The following SLC4A8 variants were observed in gnomAD, a reference collection of about 807,000 sequenced individuals.
The protein encoded by SLC4A8 is electroneutral sodium bicarbonate exchanger 1.
A neutral mutation model predicts 125.0 loss-of-function variants in SLC4A8; 40 were observed. The observed-to-expected ratio is 0.32, with a 90% confidence interval of 0.25 to 0.42. The LOEUF is 0.42. SLC4A8 is among the 10% of genes least tolerant of loss of function. The pLI, the probability that SLC4A8 is intolerant of heterozygous loss-of-function variation, is 1.00. For synonymous variants in SLC4A8, 456 were observed against 476.0 expected (o/e 0.96, Z 0.55); for missense variants, 863 against 1,355.1 (o/e 0.64, Z 5.70).
At position 51,450,989 on chromosome 12, in the gene SLC4A8, C is replaced by A; in HGVS notation, c.244C>A (p.Gln82Lys). Residue 82 changes from glutamine (Q) to lysine (K), a missense_variant, in exon 3 of 25, where the codon CAG becomes AAG. Transcript: ENST00000453097. ...RRRGRGKGASQGEEGLEALAH... is the reference protein window; with the variant it reads ...RRRGRGKGASKGEEGLEALAH... Reference sequence around the variant, plus strand: ...ACGAGGGCGGGGCAAAGGAGCCAGCCAGGGGGAGGAAGGCCTGGAAGCCCT... The same window carrying A: ...ACGAGGGCGGGGCAAAGGAGCCAGCAAGGGGGAGGAAGGCCTGGAAGCCCT... The A allele has an allele frequency of 6.4e-7, 1 of 1,562,790 alleles. No homozygotes were observed. Among genetic ancestry groups the A allele is most frequent in the Non-Finnish European group, 8.7e-7 (1 of 1,152,092 alleles).
At position 51,511,000 on chromosome 12, in the gene SLC4A8, C is replaced by CTT. The variant is rs1378594705; in HGVS notation, c.*3563_*3564dup. 1 of 152,182 alleles carries CTT rather than the reference C, an allele frequency of 6.6e-6. No homozygotes were observed. Among genetic ancestry groups the CTT allele is most frequent in the African/African-American group, 2.4e-5 (1 of 41,460 alleles). 9.4% of individuals were successfully genotyped at this position (152,182 alleles called of 1,614,324 possible). ...ACCTGTTGCAGATGATGGTGATTCT[C>CTT]TTCTTTTTTTTGTCTCCAATAGTTG... On this transcript the variant is annotated 3_prime_UTR_variant, in exon 25 of 25. Transcript: ENST00000453097.
chr12:51,433,875 TTTTG>T (rs1565772396), intron 1 of SLC4A8, among the ~76,000 whole-genome samples: 8 of 32,792 alleles, frequency 2.4e-4, no homozygotes, highest in South Asian at 9.7e-4. Context: ...TTTTTTTTTT[TTTTG>T]GTTGGTTTTT....
At chr12:51,494,571 T>A (rs79116277) in intron 20 of SLC4A8, 1 of 158,934 alleles carries the variant, frequency 6.3e-6, no homozygotes, top group African/African-American at 2.4e-5. Flanking sequence ...CTTTTCACTA[T>A]AAATAATCAA....
At chr12:51,483,472 CT>C (rs1181427808) in intron 16 of SLC4A8, among the ~76,000 whole-genome samples, 96 of 142,048 alleles carry the variant, frequency 6.8e-4, no homozygotes, top group East Asian at 3.0e-3. Flanking sequence ...TTTCTTTTCT[CT>C]TTTTTTTTTT....
At chr12:51,460,716 A>G (rs566070814) in intron 8 of SLC4A8, among the ~76,000 whole-genome samples, 1 of 152,362 alleles carries the variant, frequency 6.6e-6, no homozygotes, top group South Asian at 2.1e-4. Context: ...AAGGCTATTC[A>G]TGCGCTCTGA....
chr12:51,494,898 G>T, intron 20 of SLC4A8, 47 bp from the exon 21 acceptor site: 1 of 1,559,640 alleles, frequency 6.4e-7, no homozygotes, highest in South Asian at 1.1e-5. Context: ...CAAAGCTTCT[G>T]ACCCAGAATG....
intron 16 of SLC4A8, among the ~76,000 whole-genome samples, chr12:51,484,028 G>A (rs1951100203): frequency 2.0e-5 from 3 of 152,168 alleles, no homozygotes; most frequent in African/African-American, 4.8e-5. Context: ...TCAGAATGAT[G>A]GTTTCCAGCT....
intron 1 of SLC4A8, among the ~76,000 whole-genome samples, chr12:51,400,785 TACACAC>T (rs869278660): frequency 2.7e-4 from 3 of 11,154 alleles, no homozygotes; most frequent in African/African-American, 5.1e-4. Context: ...TATACATACA[TACACAC>T]ACACACACAC....
Position 51,514,882 on chromosome 12 carries a change from A to G in SLC4A8, c.*7444A>G, listed in dbSNP as rs1565834714. 1 of 152,206 alleles carries G rather than the reference A, an allele frequency of 6.6e-6. No individual in the cohort carries two copies. The highest frequency in any genetic ancestry group is 1.5e-5 in the Non-Finnish European group (1 of 68,034). 9.4% of individuals were successfully genotyped at this position (152,206 alleles called of 1,614,324 possible). A position where few individuals can be genotyped will look rare whatever the true frequency, so the allele number is the denominator to read the frequency against. On this transcript the variant is annotated 3_prime_UTR_variant, in exon 25 of 25. Transcript: ENST00000453097. ...TGTTATGTGAACCTTTTCAGTAGGGAAATTCAGAAAATGGAATGATTCATC... is the reference window on the plus strand; with the variant it reads ...TGTTATGTGAACCTTTTCAGTAGGGGAATTCAGAAAATGGAATGATTCATC...
chr12:51,412,928 T>A (rs887194151), intron 1 of SLC4A8, among the ~76,000 whole-genome samples: 1 of 152,232 alleles, frequency 6.6e-6, no homozygotes, highest in Non-Finnish European at 1.5e-5. Flanking sequence ...TTTGGATAAA[T>A]ACCCAGTGAT....
At chr12:51,452,032 A>T in intron 3 of SLC4A8, 92 bp from the exon 4 acceptor site, 1 of 1,202,436 alleles carries the variant, frequency 8.3e-7, no homozygotes, top group Non-Finnish European at 1.2e-6. Context: ...GGTTGTCTAT[A>T]TATATTTCTA....
chr12:51,471,247 A>G (rs1233110547), intron 13 of SLC4A8, 40 bp from the exon 14 acceptor site: 2 of 1,587,494 alleles, frequency 1.3e-6, no homozygotes, highest in African/African-American at 2.7e-5. Flanking sequence ...TCTTAATGCC[A>G]TCCATCCATG....
chr12:51,504,363 T>C (rs1302056815), intron 23 of SLC4A8, among the ~76,000 whole-genome samples: 1 of 152,238 alleles, frequency 6.6e-6, no homozygotes, highest in African/African-American at 2.4e-5. Flanking sequence ...ATGTACTGAG[T>C]GCCTCCTTTG....
chr12:51,494,028 A>AT (rs1006999423), intron 20 of SLC4A8, among the ~76,000 whole-genome samples: 7 of 151,562 alleles, frequency 4.6e-5, no homozygotes, highest in East Asian at 1.9e-4. Context: ...TCAACAGACA[A>AT]TTTTTTTTTG....
At chr12:51,466,295 T>C (rs1950512944) in intron 11 of SLC4A8, 1 of 150,800 alleles carries the variant, frequency 6.6e-6, no homozygotes, top group African/African-American at 2.4e-5. Context: ...TGGAAAGGGG[T>C]TTTTCAGGGT....
rs758292019 is a variant in SLC4A8, at chr12:51,440,753, A to C, written c.94A>C (p.Ile32Leu). The C allele has an allele frequency of 6.2e-7, 1 of 1,608,720 alleles. No homozygotes were observed. Among genetic ancestry groups the C allele is most frequent in the Non-Finnish European group, 8.5e-7 (1 of 1,178,536 alleles). The part of the protein sequence containing the change: ...AVVDQGGTST[I>L]LNIHYEKEEL... ...GGTGGATCAGGGTGGGACCAGTACA[A>C]TTCTCAACATTCACTATGAAAAAGA... is the stretch of plus-strand genomic sequence containing the variant. The change falls in exon 2 of 25, where the codon ATT becomes CTT. Residue 32 changes from isoleucine to leucine, a missense_variant. Coordinates refer to ENST00000453097, the MANE Select transcript of SLC4A8 (RefSeq NM_001039960.3).
At chr12:51,411,906 A>G (rs139563856) in intron 1 of SLC4A8, among the ~76,000 whole-genome samples, 1,906 of 151,966 alleles carry the variant, frequency 0.013, 20 homozygotes, top group Non-Finnish European at 0.019. Context: ...TACAAAAAAT[A>G]CAAAAATTAG....
At chr12:51,455,796 C>T (rs1565789005) in intron 5 of SLC4A8, among the ~76,000 whole-genome samples, 1 of 152,130 alleles carries the variant, frequency 6.6e-6, no homozygotes, top group Non-Finnish European at 1.5e-5. Flanking sequence ...GGAGGTACCC[C>T]AGAAGTATCA....
chr12:51,499,623 C>CCACACACACACA (rs1937754912), intron 22 of SLC4A8, among the ~76,000 whole-genome samples: 12 of 71,938 alleles, frequency 1.7e-4, no homozygotes, highest in Non-Finnish European at 1.4e-4. Context: ...TGCTATAATT[C>CCACACACACACA]TACACACACA....
Sources: gnomAD v4.1 joint callset for allele counts (sites outside exome capture counted in the v4.1 genomes callset) on GRCh38, gnomAD v4.1.1 for gene constraint, MANE v1.5 for transcripts, NCBI Gene and HGNC (gene_info 2026-07-23, HGNC 2026-07-21) for gene names.